The following MTIF2 variants were observed in gnomAD, a reference collection of about 807,000 sequenced individuals.
The protein encoded by MTIF2 is translation initiation factor IF-2, mitochondrial.
In MTIF2, 71 loss-of-function variants were observed where a neutral mutation model predicts 83.5. That is an observed-to-expected ratio of 0.85 (90% CI 0.70 to 1.04). The LOEUF is 1.04. Ranked by LOEUF, MTIF2 falls within the 50% of genes least tolerant of loss-of-function variation. The probability of loss-of-function intolerance (pLI) is 0.00; values close to 1 mark genes in which losing one functional copy is unlikely to be tolerated. For synonymous variants in MTIF2, 319 were observed against 287.1 expected, an observed-to-expected ratio of 1.11 and a Z score of -1.12; for missense variants, 957 against 846.5, an observed-to-expected ratio of 1.13 and a Z score of -1.62.
chr2:55,249,497 A>G lies in MTIF2; in HGVS notation c.879T>C (p.Ala293=). 1 of 1,614,170 alleles carries G rather than the reference A, an allele frequency of 6.2e-7. No homozygotes were observed. The highest frequency in any genetic ancestry group is 8.5e-7 in the Non-Finnish European group (1 of 1,180,020). Residue 293 remains alanine, a synonymous_variant, in exon 9 of 16, where the codon GCT becomes GCC. Coordinates refer to ENST00000263629, the MANE Select transcript of MTIF2 (RefSeq NM_002453.3). ...TTTTCACTTTCTCAGGATCAGCCTC[A>G]GCTTTGTCACATTTATTTACGGCAA... ...IILAVNKCDK[A]EADPEKVKKE...
At chr2:55,249,676 CT>C in intron 8 of MTIF2, 142 bp from the exon 9 acceptor site, 1 of 861,328 alleles carries the variant, frequency 1.2e-6, no homozygotes, top group Non-Finnish European at 1.8e-6. Flanking sequence ...AAATGACCCA[CT>C]TTAGAGTCAC....
rs753784344 is a variant in MTIF2, at chr2:55,254,823, A to C, written c.334T>G (p.Tyr112Asp). The C allele has an allele frequency of 3.2e-6, 5 of 1,558,554 alleles. No homozygotes were observed. The highest frequency in any genetic ancestry group is 1.2e-5 in the South Asian group (1 of 82,004). Residue 112 changes from tyrosine to aspartate, a missense_variant and splice_region_variant, in exon 6 of 16, where the codon TAT (tyrosine) becomes GAT (aspartate). Physicochemically the swap from Tyr to Asp is radical, Grantham distance 160. Coordinates refer to ENST00000263629, the MANE Select transcript of MTIF2 (RefSeq NM_002453.3). ...LARAMEKNTD[Y>D]VYEALLNTDI... is the part of the protein sequence containing the mutation. ...GTGTTCAATAAAGCTTCATATACAT[A>C]ATCTGATTGGAATAAAATAAAACCT...
chr2:55,245,867 AGTT>A (rs1676658885), intron 10 of MTIF2, among the ~76,000 whole-genome samples: 1 of 152,206 alleles, frequency 6.6e-6, no homozygotes, highest in Non-Finnish European at 1.5e-5. Flanking sequence ...GGGATTACTC[AGTT>A]GTTAGAGAGT....
intron 7 of MTIF2, among the ~76,000 whole-genome samples, 156 bp downstream of exon 7, chr2:55,253,885 G>C (rs1409587665): frequency 6.6e-6 from 1 of 151,902 alleles, no homozygotes; most frequent in Non-Finnish European, 1.5e-5. Context: ...ACAAAACACA[G>C]CTTTACTAAC....
chr2:55,267,376 C>T (rs577514773), intron 3 of MTIF2, among the ~76,000 whole-genome samples, 193 bp downstream of exon 3: 1 of 152,010 alleles, frequency 6.6e-6, no homozygotes, highest in Non-Finnish European at 1.5e-5. Flanking sequence ...CCAGGCTGGT[C>T]TTGAACTCCT....
chr2:55,258,501 T>C (rs1422451504), intron 5 of MTIF2, among the ~76,000 whole-genome samples: 1 of 151,862 alleles, frequency 6.6e-6, no homozygotes, highest in African/African-American at 2.4e-5. Flanking sequence ...AAACCCCATC[T>C]CTACCAAAAA....
intron 15 of MTIF2, 97 bp from the exon 16 acceptor site, chr2:55,236,917 T>C (rs1456576350): frequency 1.0e-6 from 1 of 1,003,310 alleles, no homozygotes; most frequent in East Asian, 3.0e-5. Context: ...TACACTGAAA[T>C]TCTTAAAAAT....
intron 8 of MTIF2, among the ~76,000 whole-genome samples, chr2:55,251,777 C>T (rs1455103473): frequency 6.6e-6 from 1 of 152,154 alleles, no homozygotes; most frequent in Non-Finnish European, 1.5e-5. Context: ...GTATGTGCCA[C>T]CATGCCTGGC....
intron 10 of MTIF2, among the ~76,000 whole-genome samples, chr2:55,244,702 C>T (rs1419377377): frequency 6.6e-6 from 1 of 151,732 alleles, no homozygotes; most frequent in African/African-American, 2.4e-5. Context: ...ATTGCTTGAG[C>T]TCACGAGTTT....
chr2:55,254,333 T>C (rs1677346208), intron 6 of MTIF2, 132 bp from the exon 7 acceptor site: 3 of 992,702 alleles, frequency 3.0e-6, no homozygotes, highest in Admixed American at 7.7e-5. Flanking sequence ...ATTAGACCTA[T>C]TTCCCCCTCC....
At chr2:55,258,350 G>A (rs1677701424) in intron 5 of MTIF2, among the ~76,000 whole-genome samples, 1 of 152,112 alleles carries the variant, frequency 6.6e-6, no homozygotes, top group Non-Finnish European at 1.5e-5. Context: ...TGCTCTCAGA[G>A]AACTGTAAAA....
chr2:55,265,136 A>G (rs1314522448), intron 3 of MTIF2, among the ~76,000 whole-genome samples: 2 of 151,760 alleles, frequency 1.3e-5, no homozygotes, highest in Non-Finnish European at 2.9e-5. Flanking sequence ...CCAGCTACCC[A>G]GAAGGCTGAG....
chr2:55,243,110 CT>C, intron 12 of MTIF2, 30 bp from the exon 13 acceptor site: 1 of 1,565,778 alleles, frequency 6.4e-7, no homozygotes, highest in Non-Finnish European at 8.6e-7. Flanking sequence ...ATAATTGTTG[CT>C]TTTAAGAGTT....
chr2:55,253,889 T>A (rs184879431), intron 7 of MTIF2, 152 bp downstream of exon 7: 5 of 802,858 alleles, frequency 6.2e-6, no homozygotes, highest in African/African-American at 1.8e-5. Context: ...AACACAGCTT[T>A]ACTAACCACT....
chr2:55,259,368 T>C (rs1249285063), intron 5 of MTIF2, among the ~76,000 whole-genome samples: 1 of 152,174 alleles, frequency 6.6e-6, no homozygotes, highest in East Asian at 1.9e-4. Context: ...TTTATTTTCA[T>C]CATAGACAAT....
chr2:55,241,659 A>G (rs1464687321), intron 13 of MTIF2, among the ~76,000 whole-genome samples: 2 of 152,080 alleles, frequency 1.3e-5, no homozygotes, highest in Admixed American at 1.3e-4. Flanking sequence ...ACTGGCCAAC[A>G]TGATGAAACC....
chr2:55,236,735 G>T lies in MTIF2; in HGVS notation c.2097C>A (p.Asp699Glu). ...TGTCTCCCACTTGAAATTCCATATTGTCTTCATCTAAACTGAGACCACAAT... is the reference window on the plus strand; with the variant it reads ...TGTCTCCCACTTGAAATTCCATATTTTCTTCATCTAAACTGAGACCACAAT... ...GMDCGLSLDE[D>E]NMEFQVGDRI... Residue 699 changes from aspartate (D) to glutamate (E), a missense_variant, in exon 16 of 16, where the codon GAC (aspartate) becomes GAA (glutamate). Physicochemically the swap from Asp to Glu is conservative, Grantham distance 45. This residue lies in a region of MTIF2 where 221 missense variants were observed against 180.6 expected (regional missense o/e 1.22). Coordinates refer to ENST00000263629, the MANE Select transcript of MTIF2 (RefSeq NM_002453.3). 6.2e-7 allele frequency: 1 copy of T among 1,611,112 alleles called. No individual in the cohort carries two copies. Among genetic ancestry groups the T allele is most frequent in the South Asian group, 1.1e-5 (1 of 90,356 alleles).
rs1033424212 is a variant in MTIF2 at position 55,259,033 on chromosome 2, T to A, written c.331+3283A>T. ...TTCTAATAATGGTAACAATACCTAA[T>A]ACTCTAGTTTTCCAATACATTATAC... On this transcript the variant is annotated intron_variant, in intron 5 of 15. Transcript: ENST00000263629. 2.0e-5 allele frequency among the ~76,000 whole-genome samples: 3 copies of A among 152,268 alleles called. No homozygotes were observed. In the South Asian group the frequency reaches 6.2e-4, roughly 32 times the overall value.
rs1434495587 is a variant in MTIF2 at position 55,249,373 on chromosome 2, T to C, written c.981+22A>G. 12 of 1,612,420 alleles carry C rather than the reference T, an allele frequency of 7.4e-6. No homozygotes were observed. The African/African-American group carries it at 8.0e-5, about 11-fold the overall frequency. The stretch of plus-strand genomic sequence containing the variant: ...TACAGCATTCCCATCCAGGCATATT[T>C]ATATGAGGTCCCCGCATTTACCGTA... On this transcript the variant is annotated intron_variant, in intron 9 of 15. Transcript: ENST00000263629.
Sources: gnomAD v4.1 joint callset for allele counts (sites outside exome capture counted in the v4.1 genomes callset) on GRCh38, gnomAD v4.1.1 for gene constraint, gnomAD v4.1.1 regional missense constraint, MANE v1.5 for transcripts, NCBI Gene and HGNC (gene_info 2026-07-23, HGNC 2026-07-21) for gene names.